PPP1R1C: variants seen among roughly 807,000 people sequenced by gnomAD.
PPP1R1C encodes the protein protein phosphatase 1 regulatory inhibitor subunit 1C.
In PPP1R1C, 15 loss-of-function variants were observed where a neutral mutation model predicts 17.4. The ratio of observed to expected loss-of-function variants is 0.86; its 90% CI spans 0.58 to 1.33. The LOEUF (loss-of-function observed/expected upper bound fraction) is 1.33. PPP1R1C is among the 40% of genes most tolerant of loss of function. PPP1R1C has a pLI of 0.00. For synonymous variants in PPP1R1C, 35 were observed against 43.1 expected, an observed-to-expected ratio of 0.81 and a Z score of 0.73; for missense variants, 143 against 130.0, an observed-to-expected ratio of 1.10 and a Z score of -0.48.
downstream of PPP1R1C, among the ~76,000 whole-genome samples, chr2:182,119,011 G>A (rs943916525): frequency 6.6e-6 from 1 of 151,526 alleles, no homozygotes; most frequent in Non-Finnish European, 1.5e-5. Flanking sequence ...GCATTAACTC[G>A]TCATTTAACA....
At chr2:182,059,479 T>A (rs1480855891) in intron 2 of PPP1R1C, among the ~76,000 whole-genome samples, 1 of 151,972 alleles carries the variant, frequency 6.6e-6, no homozygotes, top group African/African-American at 2.4e-5. Flanking sequence ...GGGGTCAGAA[T>A]TTGAGGCCCT....
At chr2:182,064,422 G>A (rs1433039124) in intron 4 of PPP1R1C, among the ~76,000 whole-genome samples, 1 of 152,050 alleles carries the variant, frequency 6.6e-6, no homozygotes, top group Non-Finnish European at 1.5e-5. Context: ...CTTGATTTGA[G>A]GTAGAGTCTG....
chr2:182,048,515 T>C (rs1005282121), intron 2 of PPP1R1C, among the ~76,000 whole-genome samples: 2 of 152,264 alleles, frequency 1.3e-5, no homozygotes, highest in African/African-American at 2.4e-5. Context: ...GATAGATTTC[T>C]CTGGCACTTT....
At position 181,976,209 on chromosome 2, in the gene PPP1R1C, G is replaced by A. The variant is rs190918790; in HGVS notation, n.157+945G>A. On this transcript the variant is annotated intron_variant and non_coding_transcript_variant, in intron 2 of 5. Coordinates refer to the PPP1R1C transcript ENST00000464264. The surrounding 1 kb of genome is among the most constrained non-coding windows in gnomAD (Gnocchi z 4.8). ...ATCACACACAAAAGTATAAGTAAGC[G>A]TGTATGTATATGTCAGTAGGTGTTT... is the stretch of plus-strand genomic sequence containing the variant. 2.6e-4 allele frequency among the ~76,000 whole-genome samples: 39 copies of A among 151,982 alleles called. No individual in the cohort carries two copies. Among genetic ancestry groups the A allele is most frequent in the Middle Eastern group, 3.4e-3 (1 of 294 alleles).
At position 181,986,079 on chromosome 2, in the gene PPP1R1C, C is replaced by A; in HGVS notation, c.-32C>A. The A allele has an allele frequency of 6.4e-7, 1 of 1,572,862 alleles. No homozygotes were observed. Among genetic ancestry groups the A allele is most frequent in the Non-Finnish European group, 8.8e-7 (1 of 1,142,402 alleles). On this transcript the variant is annotated 5_prime_UTR_variant, in exon 1 of 5. Coordinates refer to ENST00000682840, the MANE Select transcript of PPP1R1C (RefSeq NM_001080545.3). ...CACTTAGGGTTAGTCTTTCTGAGCT[C>A]TTCACATCTCTGACTAATTATCATC...
chr2:182,019,723 T>A (rs774533270), intron 2 of PPP1R1C, among the ~76,000 whole-genome samples: 2 of 152,184 alleles, frequency 1.3e-5, no homozygotes, highest in Non-Finnish European at 2.9e-5. Flanking sequence ...CTCAGAGATC[T>A]GATCACAAAT....
At chr2:182,031,379 A>C (rs1400107032) in intron 2 of PPP1R1C, among the ~76,000 whole-genome samples, 3 of 152,220 alleles carry the variant, frequency 2.0e-5, no homozygotes, top group Admixed American at 2.0e-4. Context: ...TAAGAAGTGG[A>C]CATTATTTTT....
chr2:182,114,700 C>T (rs947444123), intron 4 of PPP1R1C, among the ~76,000 whole-genome samples: 2 of 152,108 alleles, frequency 1.3e-5, no homozygotes, highest in Admixed American at 6.6e-5. Context: ...TCTGTGGTAA[C>T]ATGTCACCTG....
rs183781853 is a variant in PPP1R1C, at chr2:182,050,673, C to A, written c.143-10769C>A. On this transcript the variant is annotated intron_variant, in intron 2 of 4. Transcript: ENST00000682840. ...TTATTTGATTCTTCCAGATCCTAGC[C>A]AAATTAAACACTAATCTTACCTCAG... is the stretch of plus-strand genomic sequence containing the variant. Among the ~76,000 whole-genome samples the A allele has an allele frequency of 6.8e-4, 104 of 152,268 alleles. No homozygotes were observed. In the East Asian group the frequency reaches 0.013, roughly 19 times the overall value.
chr2:181,965,932 T>A (rs1025840521), intron 1 of PPP1R1C, among the ~76,000 whole-genome samples: 1 of 152,166 alleles, frequency 6.6e-6, no homozygotes, highest in Non-Finnish European at 1.5e-5. Flanking sequence ...TTCCAATCCA[T>A]GAAGATGAAA....
In PPP1R1C at chr2:181,987,866, T is replaced by A. The variant is rs761781138; in HGVS notation, c.109T>A (p.Ser37Thr). Residue 37 changes from serine (S) to threonine (T), a missense_variant, in exon 2 of 5, where the codon TCA becomes ACA. Transcript: ENST00000682840. ...CAGGAAAAGAAGACCTACACCAGCA[T>A]CACTTGTGATTCTCAATGAGCATAA... The part of the protein sequence containing the change: ...QIRKRRPTPA[S>T]LVILNEHNPP... 6.2e-7 allele frequency: 1 copy of A among 1,613,426 alleles called. No individual in the cohort carries two copies. The highest frequency in any genetic ancestry group is 1.7e-5 in the Admixed American group (1 of 59,972).
chr2:182,074,757 A>G (rs1391774298), intron 4 of PPP1R1C, among the ~76,000 whole-genome samples: 2 of 152,206 alleles, frequency 1.3e-5, no homozygotes, highest in African/African-American at 4.8e-5. Context: ...GGCTGTCATG[A>G]CAAAATACCC....
chr2:182,017,017 G>T (rs2125160023), intron 2 of PPP1R1C, among the ~76,000 whole-genome samples: 1 of 152,264 alleles, frequency 6.6e-6, no homozygotes, highest in East Asian at 1.9e-4. Context: ...ACAAATTCAT[G>T]ACAGTATATA....
At chr2:182,044,075 T>C (rs1271608875) in intron 2 of PPP1R1C, among the ~76,000 whole-genome samples, 1 of 152,214 alleles carries the variant, frequency 6.6e-6, no homozygotes, top group African/African-American at 2.4e-5. Flanking sequence ...AGTCCATTCT[T>C]TCTCTTAAGC....
chr2:182,112,675 G>A (rs1574461860), intron 4 of PPP1R1C, among the ~76,000 whole-genome samples: 1 of 152,218 alleles, frequency 6.6e-6, no homozygotes, highest in East Asian at 1.9e-4. Context: ...TTTAAAGAGA[G>A]TAGAATTCAA....
chr2:182,131,304 A>T (rs535855615), downstream of PPP1R1C: 8 of 152,268 alleles, frequency 5.3e-5, no homozygotes, highest in Admixed American at 2.6e-4. Context: ...CATATATATA[A>T]AATGTACACT....
chr2:182,078,721 A>G (rs976868016), intron 4 of PPP1R1C, among the ~76,000 whole-genome samples: 1 of 152,218 alleles, frequency 6.6e-6, no homozygotes, highest in African/African-American at 2.4e-5. Context: ...TTTAACCTTT[A>G]TACTCTTTCT....
At chr2:182,111,739 T>C (rs1689443982) in intron 4 of PPP1R1C, among the ~76,000 whole-genome samples, 1 of 151,486 alleles carries the variant, frequency 6.6e-6, no homozygotes, top group Non-Finnish European at 1.5e-5. Context: ...ATTATAAATA[T>C]ATATAACTAT....
chr2:181,975,789 T>C (rs897739916), intron 2 of PPP1R1C, among the ~76,000 whole-genome samples: 9 of 152,022 alleles, frequency 5.9e-5, no homozygotes, highest in African/African-American at 2.2e-4. Flanking sequence ...ATTGCTCTTA[T>C]AGGTAAATGT....
Sources: gnomAD v4.1 joint callset for allele counts (sites outside exome capture counted in the v4.1 genomes callset) on GRCh38, gnomAD v4.1.1 for gene constraint, Gnocchi (gnomAD v3.1) non-coding constraint, MANE v1.5 for transcripts, NCBI Gene and HGNC (gene_info 2026-07-23, HGNC 2026-07-21) for gene names.